Variants in SPIRE1 observed in about 807,000 individuals in gnomAD.
SPIRE1 encodes protein spire homolog 1.
SPIRE1 carries 40 observed loss-of-function variants against 94.1 expected under a neutral mutation model. The ratio of observed to expected loss-of-function variants is 0.43; its 90% CI spans 0.33 to 0.55. The LOEUF is 0.55. SPIRE1 is among the 20% of genes least tolerant of loss of function. The pLI, the probability that SPIRE1 is intolerant of heterozygous loss-of-function variation, is 0.06. For missense variants in SPIRE1, 838 were observed against 975.2 expected, an observed-to-expected ratio of 0.86 and a Z score of 1.87; for synonymous variants, 376 against 371.7, an observed-to-expected ratio of 1.01 and a Z score of -0.13.
At chr18:12,532,188 G>A (rs560707399) in intron 4 of SPIRE1, among the ~76,000 whole-genome samples, 29 of 152,272 alleles carry the variant, frequency 1.9e-4, no homozygotes, top group Middle Eastern at 3.4e-3. Flanking sequence ...CATCATGAAA[G>A]GGATTAGAAT....
chr18:12,501,551 T>C (rs1026976204), intron 6 of SPIRE1, among the ~76,000 whole-genome samples: 2 of 152,102 alleles, frequency 1.3e-5, no homozygotes, highest in African/African-American at 4.8e-5. Flanking sequence ...ACCCAGCTAA[T>C]TTTTGTAGTT....
chr18:12,595,961 C>A (rs1390685003), intron 2 of SPIRE1, among the ~76,000 whole-genome samples: 1 of 152,204 alleles, frequency 6.6e-6, no homozygotes, highest in Non-Finnish European at 1.5e-5. Context: ...AGAGACACTA[C>A]ACTAATTATA....
intron 16 of SPIRE1, chr18:12,450,827 G>A (rs546932): frequency 0.092 from 66,941 of 731,086 alleles, 6,261 homozygotes; most frequent in African/African-American, 0.34. Flanking sequence ...AAAGCTGGGT[G>A]AGATGCGGAA....
upstream of SPIRE1, chr18:12,658,200 C>T (rs898526974): frequency 1.5e-6 from 1 of 646,610 alleles, no homozygotes; most frequent in Admixed American, 2.6e-5. Context: ...GATGCACGCT[C>T]TGGAGGTGAG....
chr18:12,454,713 A>G, intron 12 of SPIRE1, among the ~76,000 whole-genome samples: 1 of 151,982 alleles, frequency 6.6e-6, no homozygotes, highest in East Asian at 1.9e-4. Context: ...GAAATTTCCA[A>G]TAAATGAAAG....
chr18:12,598,894 AT>A (rs201607364), intron 2 of SPIRE1, among the ~76,000 whole-genome samples: 21 of 152,084 alleles, frequency 1.4e-4, no homozygotes, highest in Admixed American at 4.6e-4. Flanking sequence ...GTTTTTTGGC[AT>A]TTTTTTTGTT....
chr18:12,632,686 C>T lies in SPIRE1; in HGVS notation c.372+2376G>A, dbSNP rs2037815482. ...AAATTTTTGTTTCCTTGTGTTTTGC[C>T]CCCTCCAAATTTTTACTTTTTTTTT... On this transcript the variant is annotated intron_variant, in intron 2 of 16. Transcript: ENST00000409402. 2.6e-5 allele frequency among the ~76,000 whole-genome samples: 4 copies of T among 151,842 alleles called. No individual in the cohort carries two copies. In the South Asian group the frequency reaches 8.4e-4, roughly 32 times the overall value.
Position 12,474,948 on chromosome 18 carries a change from GC to G in SPIRE1, c.1404+4750del, listed in dbSNP as rs2032507828. ...GAATAAAGTCAACCTTTTTGAGACT[GC>G]CCTTTATTTGTTCTCTACTGTCTTC... On this transcript the variant is annotated intron_variant, in intron 10 of 16. Coordinates refer to ENST00000409402, the MANE Select transcript of SPIRE1 (RefSeq NM_001128626.2). Among the ~76,000 whole-genome samples, 3 of 152,144 alleles carry G rather than the reference GC, an allele frequency of 2.0e-5. No homozygotes were observed. The South Asian group carries it at 6.2e-4, about 32-fold the overall frequency.
At chr18:12,501,187 G>T (rs1290744384) in intron 6 of SPIRE1, among the ~76,000 whole-genome samples, 2 of 151,734 alleles carry the variant, frequency 1.3e-5, no homozygotes, top group Non-Finnish European at 2.9e-5. Flanking sequence ...GACACCAAAG[G>T]TCATATATGA....
chr18:12,526,084 CACACACACAG>C (rs1248472225), intron 4 of SPIRE1, among the ~76,000 whole-genome samples: 1 of 144,448 alleles, frequency 6.9e-6, no homozygotes, highest in African/African-American at 2.5e-5. Context: ...CACACACACA[CACACACACAG>C]AGATGTATCT....
At chr18:12,561,222 AT>A (rs2035673347) in intron 2 of SPIRE1, among the ~76,000 whole-genome samples, 1 of 152,070 alleles carries the variant, frequency 6.6e-6, no homozygotes, top group African/African-American at 2.4e-5. Context: ...GTTACACTGA[AT>A]TTAGGTTCTT....
chr18:12,498,306 AATG>A (rs1379263831), intron 6 of SPIRE1, among the ~76,000 whole-genome samples: 3 of 152,236 alleles, frequency 2.0e-5, no homozygotes, highest in Non-Finnish European at 4.4e-5. Context: ...CAAAATGAGA[AATG>A]ATTCCTGGAT....
intron 2 of SPIRE1, among the ~76,000 whole-genome samples, chr18:12,614,457 C>G (rs56909423): frequency 0.14 from 21,069 of 152,152 alleles, 1,702 homozygotes; most frequent in African/African-American, 0.2. Flanking sequence ...AAACTCTTTC[C>G]CTGGTTTTTA....
At chr18:12,552,270 T>C (rs1359000890) in intron 2 of SPIRE1, among the ~76,000 whole-genome samples, 1 of 152,174 alleles carries the variant, frequency 6.6e-6, no homozygotes, top group East Asian at 1.9e-4. Flanking sequence ...TCAGAGCCAG[T>C]GGACTTGTGG....
chr18:12,524,626 G>A (rs550920201), intron 4 of SPIRE1, among the ~76,000 whole-genome samples: 6 of 152,170 alleles, frequency 3.9e-5, no homozygotes, highest in Non-Finnish European at 8.8e-5. Context: ...GTAAAATGCC[G>A]GGATTATAAG....
chr18:12,566,155 G>A (rs112779918), intron 2 of SPIRE1, among the ~76,000 whole-genome samples: 12,300 of 151,792 alleles, frequency 0.081, 649 homozygotes, highest in Middle Eastern at 0.16. Context: ...GGCCAACATG[G>A]CAAAACCTCA....
chr18:12,658,418 C>T, upstream of SPIRE1: 1 of 399,034 alleles, frequency 2.5e-6, no homozygotes. Context: ...GCGTGGGGGA[C>T]ACGCGGGGCC....
chr18:12,574,615 G>A (rs945295923), intron 2 of SPIRE1, among the ~76,000 whole-genome samples: 4 of 152,256 alleles, frequency 2.6e-5, no homozygotes, highest in African/African-American at 9.6e-5. Context: ...AGGCAGCTGT[G>A]TGGGTGGCAA....
intron 2 of SPIRE1, among the ~76,000 whole-genome samples, chr18:12,619,467 C>T (rs1468305023): frequency 6.6e-6 from 1 of 151,922 alleles, no homozygotes; most frequent in Non-Finnish European, 1.5e-5. Flanking sequence ...GAGATCGTGC[C>T]ACTGAACTCC....
Sources: allele counts gnomAD v4.1 joint callset (sites outside exome capture counted in the v4.1 genomes callset), GRCh38; gene constraint gnomAD v4.1.1; transcripts MANE v1.5; gene names NCBI Gene and HGNC (gene_info 2026-07-23, HGNC 2026-07-21).